Variants in RNMT observed in about 807,000 individuals in gnomAD.
The protein encoded by RNMT is mRNA cap guanine-N(7) methyltransferase.
RNMT carries 27 observed loss-of-function variants against 56.0 expected under a neutral mutation model. The observed-to-expected ratio is 0.48, with a 90% CI of 0.36 to 0.67. RNMT has a LOEUF of 0.67. Ranked by LOEUF, RNMT falls within the 30% of genes least tolerant of loss-of-function variation. The pLI is 0.00. For missense variants in RNMT, 519 were observed against 552.1 expected (o/e 0.94, Z 0.60); for synonymous variants, 184 against 176.2 (o/e 1.04, Z -0.35).
At position 13,742,668 on chromosome 18, in the gene RNMT, T is replaced by C. The variant is rs773159765; in HGVS notation, c.1139+16T>C. 1 of 1,571,892 alleles carries C rather than the reference T, an allele frequency of 6.4e-7. No homozygotes were observed. Among genetic ancestry groups the C allele is most frequent in the South Asian group, 1.2e-5 (1 of 85,406 alleles). On this transcript the variant is annotated intron_variant, in intron 8 of 11. Transcript: ENST00000383314. ...TGCTAAATGAGTAAGAAGTCATTAATCTGTTCACTCTTTTCTTTTTGTCTT... is the reference window on the plus strand; with the variant it reads ...TGCTAAATGAGTAAGAAGTCATTAACCTGTTCACTCTTTTCTTTTTGTCTT...
intron 9 of RNMT, among the ~76,000 whole-genome samples, chr18:13,750,655 T>C (rs1464925964): frequency 1.3e-5 from 2 of 152,150 alleles, no homozygotes; most frequent in East Asian, 3.9e-4. Context: ...TTTTAAAAAT[T>C]AGCCAGCATA....
chr18:13,744,152 C>A (rs1160825281), intron 8 of RNMT, among the ~76,000 whole-genome samples: 2 of 59,482 alleles, frequency 3.4e-5, no homozygotes, highest in African/African-American at 6.1e-5. Flanking sequence ...CAAGACCTAG[C>A]GGTCTTCTTT....
At chr18:13,758,497 G>C (rs913733963) in intron 11 of RNMT, among the ~76,000 whole-genome samples, 1 of 152,174 alleles carries the variant, frequency 6.6e-6, no homozygotes, top group African/African-American at 2.4e-5. Flanking sequence ...TAAACGTCCT[G>C]AACCAACTTC....
intron 8 of RNMT, among the ~76,000 whole-genome samples, chr18:13,746,000 A>T (rs931857990): frequency 6.6e-6 from 1 of 152,130 alleles, no homozygotes; most frequent in Admixed American, 6.5e-5. Flanking sequence ...CCTTTATGTT[A>T]TACTAATAGA....
chr18:13,761,504 CTTAA>C lies in RNMT; in HGVS notation c.*1530_*1533del. On this transcript the variant is annotated 3_prime_UTR_variant, in exon 12 of 12. Transcript: ENST00000383314. ...ATTTCCTCTGTTCACATTTACTGGT[CTTAA>C]TTAACAGGTAATAATAATACATGTA... 3.0e-6 allele frequency: 3 copies of C among 987,444 alleles called. No homozygotes were observed. The highest frequency in any genetic ancestry group is 3.6e-6 in the Non-Finnish European group (3 of 831,192). 61.2% of individuals were successfully genotyped at this position (987,444 alleles called of 1,614,324 possible). A position where few individuals can be genotyped will look rare whatever the true frequency, so the allele number is the denominator to read the frequency against.
At chr18:13,729,033 A>G (rs1358103137) in intron 1 of RNMT, among the ~76,000 whole-genome samples, 2 of 152,176 alleles carry the variant, frequency 1.3e-5, no homozygotes, top group Admixed American at 6.5e-5. Flanking sequence ...AGGTCTTACC[A>G]CAAAAATCTT....
Position 13,752,348 on chromosome 18 carries a change from C to G in RNMT, c.1280C>G (p.Ser427Cys). Reference protein sequence around the residue: ...ALEPYPANESSKLVSEKVDDY... With the variant: ...ALEPYPANESCKLVSEKVDDY... ...CAGCCATATCCTGCAAATGAGAGTT[C>G]TAAACTTGTCTCTGAGAAGGTGGAT... The change falls in exon 10 of 12, where the codon TCT becomes TGT. Residue 427 changes from serine (S) to cysteine (C), a missense_variant. By Grantham distance (112) the Ser-to-Cys change is moderately radical (BLOSUM62 -1). Transcript: ENST00000383314. 1 of 1,612,346 alleles carries G rather than the reference C, an allele frequency of 6.2e-7. No individual in the cohort carries two copies. Among genetic ancestry groups the G allele is most frequent in the Non-Finnish European group, 8.5e-7 (1 of 1,178,670 alleles).
At chr18:13,759,913 A>C in intron 11 of RNMT, 29 bp from the exon 12 acceptor site, 1 of 1,563,206 alleles carries the variant, frequency 6.4e-7, no homozygotes, top group Non-Finnish European at 8.8e-7. Flanking sequence ...TCATATGAGA[A>C]ACTGAACTCT....
rs2044649207 is a variant in RNMT, at chr18:13,763,973, T to C, written c.*3994T>C. ...AGAGCAAGACAGCACTTGAGTGCAC[T>C]GGCAGGAAGCAGAGATAAGACTTGA... On this transcript the variant is annotated 3_prime_UTR_variant, in exon 12 of 12. Transcript: ENST00000383314. The C allele has an allele frequency of 6.6e-6, 1 of 152,296 alleles. No individual in the cohort carries two copies. The highest frequency in any genetic ancestry group is 2.4e-5 in the African/African-American group (1 of 41,470). 9.4% of individuals were successfully genotyped at this position (152,296 alleles called of 1,614,324 possible).
intron 1 of RNMT, among the ~76,000 whole-genome samples, chr18:13,728,018 G>A (rs1419409629): frequency 6.6e-6 from 1 of 152,050 alleles, no homozygotes; most frequent in African/African-American, 2.4e-5. Flanking sequence ...TCCATATCTT[G>A]ACTATTGTGA....
chr18:13,740,151 C>G lies in RNMT; in HGVS notation c.680-16C>G, dbSNP rs754816973. On this transcript the variant is annotated splice_polypyrimidine_tract_variant and intron_variant, in intron 5 of 11. Coordinates refer to ENST00000383314, the MANE Select transcript of RNMT (RefSeq NM_003799.3). Reference sequence around the variant, plus strand: ...ATTCTGTGTTGATACTTACTAATACCCTTCCATCCTTCCAGATATTGCCGA... The same window carrying G: ...ATTCTGTGTTGATACTTACTAATACGCTTCCATCCTTCCAGATATTGCCGA... The G allele has an allele frequency of 6.8e-7, 1 of 1,462,918 alleles. No individual in the cohort carries two copies. The highest frequency in any genetic ancestry group is 2.3e-5 in the East Asian group (1 of 44,008). The allele number at this position is 1,462,918 out of a possible 1,614,324, so 90.6% of individuals were successfully genotyped here.
chr18:13,742,349 A>G (rs574930438), intron 7 of RNMT, 139 bp from the exon 8 acceptor site: 30 of 696,700 alleles, frequency 4.3e-5, no homozygotes, highest in Non-Finnish European at 6.8e-5. Context: ...AAAAAAAAAA[A>G]AAAAGGTAGC....
chr18:13,737,171 T>A (rs1168717150), intron 5 of RNMT, 36 bp downstream of exon 5: 3 of 1,524,184 alleles, frequency 2.0e-6, no homozygotes, highest in Non-Finnish European at 2.7e-6. Flanking sequence ...GAATAATTTG[T>A]AGTCAGATAA....
intron 9 of RNMT, among the ~76,000 whole-genome samples, chr18:13,748,849 G>T (rs2149099633): frequency 6.6e-6 from 1 of 152,266 alleles, no homozygotes; most frequent in South Asian, 2.1e-4. Context: ...GGAGGCCAAG[G>T]CGGGCAGATA....
rs143634494 is a variant in RNMT, at chr18:13,745,875, G to T, written c.1140-345G>T. ...TGAATCTTTAAGAAGGAAGTTGGCA[G>T]CTGTTTGCAGTGCAGCTGTGAGAGA... is the stretch of plus-strand genomic sequence containing the variant. On this transcript the variant is annotated intron_variant, in intron 8 of 11. Coordinates refer to ENST00000383314, the MANE Select transcript of RNMT (RefSeq NM_003799.3). 7.5e-3 allele frequency among the ~76,000 whole-genome samples: 1,138 copies of T among 152,314 alleles called. 6 individuals are homozygous for T. Among genetic ancestry groups the T allele is most frequent in the Middle Eastern group, 0.034 (10 of 294 alleles).
intron 1 of RNMT, among the ~76,000 whole-genome samples, chr18:13,727,217 C>G (rs566101240): frequency 2.5e-4 from 38 of 152,356 alleles, no homozygotes; most frequent in African/African-American, 8.7e-4. Flanking sequence ...TGGGCTTTAT[C>G]CCGGCGGCCC....
chr18:13,728,438 C>T (rs1290646758), intron 1 of RNMT, among the ~76,000 whole-genome samples: 1 of 150,810 alleles, frequency 6.6e-6, no homozygotes, highest in Non-Finnish European at 1.5e-5. Flanking sequence ...CGGGTTCAAG[C>T]GATTCTCATG....
At chr18:13,745,861 G>A (rs1213035354) in intron 8 of RNMT, among the ~76,000 whole-genome samples, 1 of 152,148 alleles carries the variant, frequency 6.6e-6, no homozygotes, top group Admixed American at 6.5e-5. Flanking sequence ...GAATCTTTAA[G>A]AAGGAAGTTG....
chr18:13,741,174 A>G lies in RNMT; in HGVS notation c.793-336A>G, dbSNP rs149456415. 1.8e-3 allele frequency among the ~76,000 whole-genome samples: 262 copies of G among 142,706 alleles called. 2 individuals carry two copies. In the Middle Eastern group the frequency reaches 0.028, roughly 15 times the overall value. The allele number at this position is 142,706 out of a possible 152,430, so 93.6% of individuals were successfully genotyped here. A position where few individuals can be genotyped will look rare whatever the true frequency, so the allele number is the denominator to read the frequency against. On this transcript the variant is annotated intron_variant, in intron 6 of 11. Transcript: ENST00000383314. ...ATTTTTGCATTTTTTAAAAAATGCC[A>G]AACGCCAGATGTTTTTTAACTCAAG...
Sources: gnomAD v4.1 joint callset for allele counts (sites outside exome capture counted in the v4.1 genomes callset) on GRCh38, gnomAD v4.1.1 for gene constraint, MANE v1.5 for transcripts, NCBI Gene and HGNC (gene_info 2026-07-23, HGNC 2026-07-21) for gene names.